Variants in QTGAL observed in about 807,000 individuals in gnomAD.
The protein encoded by QTGAL is queuosine-tRNA galactosyltransferase, also known as BGnT-like protein 1.
At chr17:83,047,933 A>C in the QTGAL span, among the ~76,000 whole-genome samples, 1 of 152,150 alleles carries the variant, frequency 6.6e-6, no homozygotes, top group African/African-American at 2.4e-5. Flanking sequence ...TTTTAGGTCT[A>C]CTAAGGTTCT....
At chr17:83,051,524 C>T in the QTGAL span, among the ~76,000 whole-genome samples, 24 of 152,276 alleles carry the variant, frequency 1.6e-4, no homozygotes, top group Admixed American at 3.9e-4. Context: ...AGATCTCGGC[C>T]GCGCCCCGCG....
chr17:83,034,956 G>T, the QTGAL span: 2 of 1,185,410 alleles, frequency 1.7e-6, no homozygotes, highest in Non-Finnish European at 2.4e-6. Flanking sequence ...TTCAAGAACC[G>T]CACTAAAATG....
the QTGAL span, chr17:83,006,061 A>G: frequency 3.0e-6 from 3 of 1,007,626 alleles, no homozygotes; most frequent in Non-Finnish European, 3.6e-6. This position sits in a 1 kb window ranked among gnomAD's most constrained non-coding sequence, Gnocchi z 5.8. Context: ...GTGAGGGCCC[A>G]GGGCCAGCAG....
chr17:83,039,516 C>T, the QTGAL span, among the ~76,000 whole-genome samples: 12 of 116,872 alleles, frequency 1.0e-4, no homozygotes, highest in African/African-American at 4.1e-4. Flanking sequence ...GCTGGGCGCC[C>T]GCCGCCCGCC....
chr17:83,002,598 C>A, the QTGAL span, among the ~76,000 whole-genome samples: 3 of 152,180 alleles, frequency 2.0e-5, no homozygotes, highest in African/African-American at 7.2e-5. Context: ...CCAAGGGCCC[C>A]ACAGAGGATG....
the QTGAL span, chr17:82,943,613 G>C: frequency 7.2e-5 from 11 of 152,256 alleles, no homozygotes; most frequent in Non-Finnish European, 1.5e-4. Context: ...GGCTTGTGAG[G>C]TCACCAGGAC....
At chr17:82,944,948 G>A in the QTGAL span, 2 of 152,178 alleles carry the variant, frequency 1.3e-5, no homozygotes, top group Non-Finnish European at 2.9e-5. Context: ...CCCCTGAAGT[G>A]GCCTGAATTA....
chr17:82,956,512 C>T, the QTGAL span, among the ~76,000 whole-genome samples: 4 of 152,238 alleles, frequency 2.6e-5, no homozygotes, highest in Admixed American at 6.5e-5. This position sits in a 1 kb window ranked among gnomAD's most constrained non-coding sequence, Gnocchi z 5.7. Context: ...CCCAGGGCAG[C>T]GGCCACCACC....
At chr17:83,031,611 A>C in the QTGAL span, among the ~76,000 whole-genome samples, 4 of 152,308 alleles carry the variant, frequency 2.6e-5, no homozygotes, top group African/African-American at 7.2e-5. Context: ...CTTTCCAAGG[A>C]CACCTGAGGC....
chr17:82,955,528 G>C, the QTGAL span, among the ~76,000 whole-genome samples: 1 of 152,210 alleles, frequency 6.6e-6, no homozygotes, highest in Non-Finnish European at 1.5e-5. Flanking sequence ...GGAGAAGTAG[G>C]GATGCTTTTA....
At chr17:82,976,061 G>A in the QTGAL span, among the ~76,000 whole-genome samples, 4 of 86,404 alleles carry the variant, frequency 4.6e-5, no homozygotes, top group Non-Finnish European at 2.1e-5. Context: ...CCTCCCAGGG[G>A]CTGGAGGCCA....
At chr17:82,999,454 C>A in the QTGAL span, among the ~76,000 whole-genome samples, 1 of 152,134 alleles carries the variant, frequency 6.6e-6, no homozygotes, top group Non-Finnish European at 1.5e-5. Flanking sequence ...GGGTGCTGAC[C>A]CCCTGCACAG....
the QTGAL span, among the ~76,000 whole-genome samples, chr17:82,983,092 C>T: frequency 2.6e-5 from 4 of 152,190 alleles, no homozygotes; most frequent in Middle Eastern, 6.8e-3. Context: ...ACCAGCCTGC[C>T]CAACATGCTG....
chr17:83,031,519 T>C, the QTGAL span, among the ~76,000 whole-genome samples: 1 of 152,214 alleles, frequency 6.6e-6, no homozygotes, highest in Non-Finnish European at 1.5e-5. Context: ...GCGCCACGTT[T>C]AGACAGGGCT....
At chr17:83,051,677 G>A in the QTGAL span, 1 of 1,387,758 alleles carries the variant, frequency 7.2e-7, no homozygotes, top group Non-Finnish European at 9.4e-7. Flanking sequence ...CTGGAGGGCG[G>A]GGTGAGGGGA....
At chr17:82,978,947 A>G in the QTGAL span, 1 of 152,268 alleles carries the variant, frequency 6.6e-6, no homozygotes, top group Non-Finnish European at 1.5e-5. The surrounding 1 kb of genome is among the most constrained non-coding windows in gnomAD (Gnocchi z 4.8). Context: ...AAATGGAAGT[A>G]CATTGAAAAC....
the QTGAL span, among the ~76,000 whole-genome samples, chr17:83,007,708 C>T: frequency 2.6e-5 from 4 of 152,190 alleles, no homozygotes; most frequent in Non-Finnish European, 4.4e-5. Context: ...CATGACTCCC[C>T]CAGCTTCATG....
At chr17:83,051,723 C>A in the QTGAL span, 2 of 1,485,160 alleles carry the variant, frequency 1.3e-6, no homozygotes, top group Non-Finnish European at 8.9e-7. Context: ...GGCACCCTCC[C>A]CGCTGGCACC....
the QTGAL span, among the ~76,000 whole-genome samples, chr17:82,970,656 C>CGACCTCCCCACCCAGCGTGGCCGT: frequency 4.9e-4 from 19 of 38,460 alleles, 4 homozygotes; most frequent in South Asian, 7.8e-4. Context: ...GGTGTGGCCG[C>CGACCTCCCCACCCAGCGTGGCCGT]GACCTCCGCA....
Sources: gnomAD v4.1 joint callset for allele counts (sites outside exome capture counted in the v4.1 genomes callset) on GRCh38, gnomAD v4.1.1 for gene constraint, Gnocchi (gnomAD v3.1) non-coding constraint, MANE v1.5 for transcripts, NCBI Gene and HGNC (gene_info 2026-07-23, HGNC 2026-07-21) for gene names.